The following FOXP1 variants were observed in gnomAD, a reference collection of about 807,000 sequenced individuals.
FOXP1 encodes the protein forkhead box protein P1.
Under a neutral mutation model 98.2 loss-of-function variants are expected in FOXP1, and 15 were observed. The observed-to-expected ratio is 0.15, with a 90% CI of 0.10 to 0.24. The LOEUF (loss-of-function observed/expected upper bound fraction) is 0.24. Among genes scored for constraint, FOXP1 ranks in the 10% least tolerant of loss-of-function variants. FOXP1 has a pLI of 1.00. For missense variants in FOXP1, 633 were observed against 848.5 expected (o/e 0.75, Z 3.15); for synonymous variants, 371 against 314.5 (o/e 1.18, Z -1.90).
At chr3:71,055,238 G>A (rs540343357) in intron 7 of FOXP1, among the ~76,000 whole-genome samples, 59 of 152,322 alleles carry the variant, frequency 3.9e-4, no homozygotes, top group African/African-American at 1.4e-3. Context: ...GGTTCCTGAA[G>A]GTCAGATTCA....
Position 71,355,507 on chromosome 3 carries a change from C to T in FOXP1, c.-73+3643G>A, listed in dbSNP as rs72957351. On this transcript the variant is annotated intron_variant, in intron 4 of 20. Transcript: ENST00000649528. ...ACTAAGGGATGAGAAGGAGTGAGTC[C>T]TGGGAGGCATGGAAGGTATCCCGTA... is the stretch of plus-strand genomic sequence containing the variant. 3.7e-3 allele frequency among the ~76,000 whole-genome samples: 560 copies of T among 152,234 alleles called. 4 individuals are homozygous for T. Among genetic ancestry groups the T allele is most frequent in the African/African-American group, 0.013 (536 of 41,538 alleles).
In FOXP1 at chr3:70,957,979, G is replaced by A. The variant is rs1028691497; in HGVS notation, c.*1268C>T. ...ACCCCTACTTTCAGGGCAGCTGCTCGGGGAAGCCGGTTTTTTTTTTTGGCC... is the reference window on the plus strand; with the variant it reads ...ACCCCTACTTTCAGGGCAGCTGCTCAGGGAAGCCGGTTTTTTTTTTTGGCC... On this transcript the variant is annotated 3_prime_UTR_variant, in exon 21 of 21. Transcript: ENST00000649528. 1.1e-4 allele frequency: 26 copies of A among 247,050 alleles called. No homozygotes were observed. The highest frequency in any genetic ancestry group is 5.5e-4 in the African/African-American group (25 of 45,358). 15.3% of individuals were successfully genotyped at this position (247,050 alleles called of 1,614,324 possible).
At chr3:71,577,086 T>C (rs2047778480) in intron 2 of FOXP1, among the ~76,000 whole-genome samples, 1 of 152,196 alleles carries the variant, frequency 6.6e-6, no homozygotes, top group African/African-American at 2.4e-5. Context: ...GAACACAGCT[T>C]CTGGCACAAC....
intron 8 of FOXP1, among the ~76,000 whole-genome samples, chr3:71,053,330 C>G (rs1281839116): frequency 1.3e-5 from 2 of 152,250 alleles, no homozygotes; most frequent in East Asian, 3.9e-4. Context: ...TGCTTTGATT[C>G]ACACCATTTA....
rs1319380643 is a variant in FOXP1 at position 70,959,218 on chromosome 3, T to C, written c.*29A>G. On this transcript the variant is annotated 3_prime_UTR_variant, in exon 21 of 21. Transcript: ENST00000649528. ...TTTTTTTTTTTCCTTTTTCCAATCT[T>C]CATTCTCGGGGTTGGCCCGCCCCGA... 1 of 1,611,542 alleles carries C rather than the reference T, an allele frequency of 6.2e-7. No individual in the cohort carries two copies. Among genetic ancestry groups the C allele is most frequent in the South Asian group, 1.1e-5 (1 of 90,762 alleles).
chr3:71,011,058 ACT>A (rs761549097), intron 12 of FOXP1, among the ~76,000 whole-genome samples: 8 of 152,078 alleles, frequency 5.3e-5, no homozygotes, highest in Non-Finnish European at 1.2e-4. Context: ...CCTGAAGACA[ACT>A]CTGAATTTCC....
At chr3:71,073,568 A>C (rs372809690) in intron 7 of FOXP1, among the ~76,000 whole-genome samples, 7 of 152,258 alleles carry the variant, frequency 4.6e-5, no homozygotes, top group Admixed American at 4.6e-4. Flanking sequence ...TCAGCAATGT[A>C]GGTGAGTCAC....
chr3:71,202,372 A>C (rs2063731448), intron 5 of FOXP1, among the ~76,000 whole-genome samples: 2 of 152,234 alleles, frequency 1.3e-5, no homozygotes, highest in African/African-American at 4.8e-5. Flanking sequence ...CTTTTTGAAA[A>C]GCACATGTGA....
chr3:71,516,999 T>A (rs1441688696), intron 2 of FOXP1, among the ~76,000 whole-genome samples: 1 of 152,220 alleles, frequency 6.6e-6, no homozygotes, highest in Admixed American at 6.5e-5. Flanking sequence ...TCACCCCCTG[T>A]GAATTTTAAA....
chr3:71,358,856 T>C (rs1310801172), intron 4 of FOXP1, among the ~76,000 whole-genome samples: 1 of 152,198 alleles, frequency 6.6e-6, no homozygotes, highest in Non-Finnish European at 1.5e-5. Flanking sequence ...AAAAAGACTG[T>C]ATGGCTCATG....
At chr3:71,487,973 T>G (rs1409217264) in intron 3 of FOXP1, among the ~76,000 whole-genome samples, 1 of 151,996 alleles carries the variant, frequency 6.6e-6, no homozygotes, top group African/African-American at 2.4e-5. Flanking sequence ...TTTAACAGAT[T>G]TTTTTTTAAT....
At chr3:71,390,945 C>G (rs953450247) in intron 3 of FOXP1, among the ~76,000 whole-genome samples, 9 of 152,170 alleles carry the variant, frequency 5.9e-5, no homozygotes, top group Non-Finnish European at 1.0e-4. Context: ...TAATTATTTG[C>G]AGGCAAAATC....
At chr3:71,548,129 C>A (rs2045504474) in intron 2 of FOXP1, among the ~76,000 whole-genome samples, 1 of 152,164 alleles carries the variant, frequency 6.6e-6, no homozygotes, top group African/African-American at 2.4e-5. Flanking sequence ...ATGGACAACA[C>A]CCCCAAGTTT....
At chr3:71,006,275 A>G (rs2042799233) in intron 12 of FOXP1, among the ~76,000 whole-genome samples, 2 of 152,092 alleles carry the variant, frequency 1.3e-5, no homozygotes, top group Admixed American at 6.6e-5. Flanking sequence ...AATAATAAAA[A>G]AATCTAATGA....
At chr3:71,580,172 CA>C (rs78002378) in intron 2 of FOXP1, among the ~76,000 whole-genome samples, 75,028 of 127,668 alleles carry the variant, frequency 0.59, 21,025 homozygotes, top group Middle Eastern at 0.64. Flanking sequence ...TTTACTTTTC[CA>C]AAAAAAAAAA....
intron 12 of FOXP1, 60 bp from the exon 13 acceptor site, chr3:71,001,119 T>G: frequency 7.5e-7 from 1 of 1,335,526 alleles, no homozygotes. Flanking sequence ...AAAATATAAG[T>G]TACCAGGATG....
intron 5 of FOXP1, among the ~76,000 whole-genome samples, chr3:71,266,700 C>T (rs1387083252): frequency 6.6e-6 from 1 of 152,122 alleles, no homozygotes; most frequent in Non-Finnish European, 1.5e-5. Context: ...CCACTGTATC[C>T]ACTAAGTAAT....
At chr3:71,271,861 A>G (rs2070390241) in intron 5 of FOXP1, among the ~76,000 whole-genome samples, 2 of 152,248 alleles carry the variant, frequency 1.3e-5, no homozygotes, top group South Asian at 4.1e-4. Context: ...TTACAGAAGC[A>G]ACATGTTACA....
chr3:71,126,153 C>G (rs996209216), intron 6 of FOXP1, among the ~76,000 whole-genome samples: 1 of 152,128 alleles, frequency 6.6e-6, no homozygotes, highest in Non-Finnish European at 1.5e-5. Flanking sequence ...CCATCACCTG[C>G]AATGACACAT....
Sources: gnomAD v4.1 joint callset for allele counts (sites outside exome capture counted in the v4.1 genomes callset) on GRCh38, gnomAD v4.1.1 for gene constraint, MANE v1.5 for transcripts, NCBI Gene and HGNC (gene_info 2026-07-23, HGNC 2026-07-21) for gene names.